The following TTC17 variants were observed in gnomAD, a reference collection of about 807,000 sequenced individuals.
The protein encoded by TTC17 is tetratricopeptide repeat domain 17, also known as tetratricopeptide repeat protein 17.
A neutral mutation model predicts 143.8 loss-of-function variants in TTC17; 58 were observed. The observed-to-expected ratio is 0.40, with a 90% CI of 0.33 to 0.50. TTC17 has a LOEUF of 0.50. Ranked by LOEUF, TTC17 falls within the 20% of genes least tolerant of loss-of-function variation. The pLI is 0.49. For missense variants in TTC17, 1,273 were observed against 1,392.5 expected, an observed-to-expected ratio of 0.91 and a Z score of 1.37; for synonymous variants, 501 against 497.8, an observed-to-expected ratio of 1.01 and a Z score of -0.09.
chr11:43,380,042 GAAA>G (rs892784316), intron 2 of TTC17, among the ~76,000 whole-genome samples: 1 of 151,512 alleles, frequency 6.6e-6, no homozygotes, highest in African/African-American at 2.4e-5. Flanking sequence ...TGCAAAATGA[GAAA>G]AAAACTAATG....
chr11:43,489,599 G>A (rs144620742), intron 21 of TTC17, among the ~76,000 whole-genome samples: 2,002 of 152,122 alleles, frequency 0.013, 23 homozygotes, highest in Non-Finnish European at 0.021. Context: ...TTAGACAGGC[G>A]TGGTGGTGCA....
At position 43,414,521 on chromosome 11, in the gene TTC17, T is replaced by C. The variant is rs533160210; in HGVS notation, c.2065-69T>C. Reference sequence around the variant, plus strand: ...CTAAAAAGAGCCAAAAGCCATATACTGTAAACGTTTTGTAACTCCCAGAAA... The same window carrying C: ...CTAAAAAGAGCCAAAAGCCATATACCGTAAACGTTTTGTAACTCCCAGAAA... On this transcript the variant is annotated intron_variant, in intron 15 of 23. Coordinates refer to ENST00000039989, the MANE Select transcript of TTC17 (RefSeq NM_018259.6). 5.7e-4 allele frequency: 868 copies of C among 1,520,376 alleles called. 5 individuals carry two copies. The African/African-American group carries it at 0.011, about 19-fold the overall frequency. The allele number at this position is 1,520,376 out of a possible 1,614,324, so 94.2% of individuals were successfully genotyped here.
intron 1 of TTC17, among the ~76,000 whole-genome samples, chr11:43,362,618 T>C (rs1856162711): frequency 6.6e-6 from 1 of 152,110 alleles, no homozygotes; most frequent in Non-Finnish European, 1.5e-5. Context: ...AATTATTTCT[T>C]TTTCTTTTAG....
Position 43,450,042 on chromosome 11 carries a change from A to G in TTC17, c.2787-40A>G, listed in dbSNP as rs770642297. The G allele has an allele frequency of 1.9e-6, 3 of 1,593,772 alleles. No individual in the cohort carries two copies. In the Admixed American group the frequency reaches 5.1e-5, roughly 27 times the overall value. ...TCTCTCTTCTCTTCCCACCCACTCA[A>G]AAATTTCCCATAGCTAATGTGGTAA... On this transcript the variant is annotated intron_variant, in intron 19 of 23. Transcript: ENST00000039989.
chr11:43,436,377 A>C, intron 16 of TTC17: 1 of 1,235,810 alleles, frequency 8.1e-7, no homozygotes, highest in East Asian at 3.1e-5. Flanking sequence ...GGAAAAATCA[A>C]CTCTCAAGCT....
At chr11:43,383,071 A>AT (rs974503975) in intron 2 of TTC17, among the ~76,000 whole-genome samples, 1 of 150,672 alleles carries the variant, frequency 6.6e-6, no homozygotes, top group Non-Finnish European at 1.5e-5. Flanking sequence ...TATTTTTTTT[A>AT]TTTTTTGTAG....
intron 21 of TTC17, among the ~76,000 whole-genome samples, chr11:43,465,742 A>C (rs1947958777): frequency 6.6e-6 from 1 of 152,246 alleles, no homozygotes; most frequent in South Asian, 2.1e-4. Context: ...CATATGCAAA[A>C]GAATGAAGTT....
chr11:43,483,533 A>AGGT (rs1174393805), intron 21 of TTC17, among the ~76,000 whole-genome samples: 1 of 152,172 alleles, frequency 6.6e-6, no homozygotes, highest in Admixed American at 6.5e-5. Context: ...ACCTTGACCA[A>AGGT]ATTGGGTTTA....
chr11:43,480,158 T>G (rs1157850580), intron 21 of TTC17, among the ~76,000 whole-genome samples: 1 of 152,218 alleles, frequency 6.6e-6, no homozygotes, highest in Admixed American at 6.5e-5. Context: ...TCAATAAGTA[T>G]CACAGTAGCC....
intron 1 of TTC17, 56 bp downstream of exon 1, chr11:43,359,169 C>T: frequency 1.3e-6 from 2 of 1,483,406 alleles, no homozygotes; most frequent in Non-Finnish European, 1.8e-6. Context: ...GGGGGGATTA[C>T]CCTGCTTGGC....
chr11:43,440,073 T>C (rs1408402582), intron 16 of TTC17, among the ~76,000 whole-genome samples: 1 of 152,230 alleles, frequency 6.6e-6, no homozygotes, highest in African/African-American at 2.4e-5. Flanking sequence ...CTTATTCCTC[T>C]TGCTTCAAGC....
intron 1 of TTC17, among the ~76,000 whole-genome samples, chr11:43,377,108 A>G (rs1856789045): frequency 6.6e-6 from 1 of 152,166 alleles, no homozygotes; most frequent in Admixed American, 6.5e-5. Flanking sequence ...GCTGGCCAAC[A>G]TGGTGAAACT....
intron 16 of TTC17, among the ~76,000 whole-genome samples, chr11:43,441,838 C>T (rs777955502): frequency 1.3e-5 from 2 of 152,050 alleles, no homozygotes; most frequent in Non-Finnish European, 2.9e-5. Context: ...ATAAATATTA[C>T]CATATGGTAG....
intron 2 of TTC17, among the ~76,000 whole-genome samples, chr11:43,383,665 G>A (rs918295794): frequency 6.6e-5 from 10 of 151,992 alleles, no homozygotes; most frequent in African/African-American, 2.2e-4. Context: ...CACCGTGCCC[G>A]GCCACAAACT....
At chr11:43,377,956 T>G (rs1363575368) in intron 1 of TTC17, among the ~76,000 whole-genome samples, 2 of 152,198 alleles carry the variant, frequency 1.3e-5, no homozygotes, top group Admixed American at 1.3e-4. Context: ...CAGGCTGAAG[T>G]GCGTTGGCGC....
chr11:43,452,174 A>G (rs1043998871), intron 21 of TTC17, among the ~76,000 whole-genome samples: 1 of 152,188 alleles, frequency 6.6e-6, no homozygotes, highest in Non-Finnish European at 1.5e-5. Context: ...CTGAGTAATA[A>G]AAACAGAGCA....
At chr11:43,375,684 A>C (rs115146916) in intron 1 of TTC17, among the ~76,000 whole-genome samples, 7,643 of 152,218 alleles carry the variant, frequency 0.05, 379 homozygotes, top group East Asian at 0.28. Context: ...ATATATGAAG[A>C]ATAAGTTGCA....
intron 21 of TTC17, among the ~76,000 whole-genome samples, chr11:43,464,739 T>A (rs1323914115): frequency 6.6e-6 from 1 of 152,162 alleles, no homozygotes; most frequent in African/African-American, 2.4e-5. Flanking sequence ...CAAGCTTTTT[T>A]TTTTAAAGAG....
chr11:43,424,799 T>G (rs112426362), intron 16 of TTC17, among the ~76,000 whole-genome samples: 1,548 of 152,244 alleles, frequency 0.01, 29 homozygotes, highest in African/African-American at 0.035. Flanking sequence ...TTGTGTATTT[T>G]TAATAAAATA....
Sources: allele counts gnomAD v4.1 joint callset (sites outside exome capture counted in the v4.1 genomes callset), GRCh38; gene constraint gnomAD v4.1.1; transcripts MANE v1.5; gene names NCBI Gene and HGNC (gene_info 2026-07-23, HGNC 2026-07-21).